GBF1: variants seen among roughly 807,000 people sequenced by gnomAD.
GBF1 encodes Golgi-specific brefeldin A-resistance guanine nucleotide exchange factor 1.
A neutral mutation model predicts 210.5 loss-of-function variants in GBF1; 114 were observed. The ratio of observed to expected loss-of-function variants is 0.54; its 90% CI spans 0.47 to 0.63. The LOEUF (loss-of-function observed/expected upper bound fraction) is 0.63, where lower values mean the gene tolerates loss of function less well. Among genes scored for constraint, GBF1 ranks in the 30% least tolerant of loss-of-function variants. GBF1 has a pLI of 0.00. For synonymous variants in GBF1, 850 were observed against 889.2 expected (o/e 0.96, Z 0.78); for missense variants, 1,851 against 2,357.7 (o/e 0.79, Z 4.45).
At chr10:102,260,473 C>CTCTTTT (rs2073056936) in intron 3 of GBF1, among the ~76,000 whole-genome samples, 2 of 74,794 alleles carry the variant, frequency 2.7e-5, no homozygotes, top group African/African-American at 1.4e-4. Context: ...ATTTTCCTTT[C>CTCTTTT]TTCTTTTTTT....
rs753772841 is a variant in GBF1 at position 102,368,722 on chromosome 10, G to T, written c.2880-17G>T. 4 of 1,581,306 alleles carry T rather than the reference G, an allele frequency of 2.5e-6. No individual in the cohort carries two copies. Among genetic ancestry groups the T allele is most frequent in the South Asian group, 1.1e-5 (1 of 90,260 alleles). On this transcript the variant is annotated splice_polypyrimidine_tract_variant and intron_variant, in intron 22 of 39. Coordinates refer to ENST00000369983, the MANE Select transcript of GBF1 (RefSeq NM_001377137.1). ...CTTCCAGTGACTCTGTTTCTGGGAT[G>T]GGGGGTAACATTACAGGAAGTGCGC...
chr10:102,370,528 A>AGG, intron 28 of GBF1, 50 bp downstream of exon 28: 1 of 1,462,516 alleles, frequency 6.8e-7, no homozygotes, highest in South Asian at 1.1e-5. Context: ...CTTGTGCCAA[A>AGG]GGGATGGAAG....
At position 102,322,631 on chromosome 10, in the gene GBF1, T is replaced by A. The variant is rs541263156; in HGVS notation, c.164-21420T>A. Among the ~76,000 whole-genome samples the A allele has an allele frequency of 1.3e-4, 19 of 149,464 alleles. No homozygotes were observed. The South Asian group carries it at 4.0e-3, about 31-fold the overall frequency. On this transcript the variant is annotated intron_variant, in intron 3 of 39. Coordinates refer to ENST00000369983, the MANE Select transcript of GBF1 (RefSeq NM_001377137.1). ...ATGTGGTGTCTCATGCCTGTAATTC[T>A]AGCACTTTGGGAGGCCGAGGCAGGA...
chr10:102,239,857 GC>G, the GBF1 span, among the ~76,000 whole-genome samples: 6 of 152,180 alleles, frequency 3.9e-5, no homozygotes, highest in African/African-American at 1.4e-4. Flanking sequence ...CTGTATCCCA[GC>G]TGCAGGGAAA....
chr10:102,337,145 G>A (rs552455601), intron 3 of GBF1, among the ~76,000 whole-genome samples: 7 of 151,996 alleles, frequency 4.6e-5, no homozygotes, highest in South Asian at 4.2e-4. Flanking sequence ...TTGGGAGGCC[G>A]AGGTGGGCGG....
chr10:102,310,302 T>C (rs1371848982), intron 3 of GBF1, among the ~76,000 whole-genome samples: 1 of 152,244 alleles, frequency 6.6e-6, no homozygotes, highest in Non-Finnish European at 1.5e-5. Context: ...CTTCCTAAGA[T>C]GAAATTGAAG....
chr10:102,351,329 C>A lies in GBF1; in HGVS notation c.369C>A (p.Gly123=). Residue 123 remains glycine, a synonymous_variant, in exon 5 of 40, where the codon GGC becomes GGA. Coordinates refer to ENST00000369983, the MANE Select transcript of GBF1 (RefSeq NM_001377137.1). The part of the protein sequence containing the change: ...ADAVTHARFV[G]TDPASDEVVL... ...CTGTCACCCATGCTCGTTTTGTGGG[C>A]ACGGATCCTGCCAGTGATGAAGTTG... 6.2e-7 allele frequency: 1 copy of A among 1,610,358 alleles called. No individual in the cohort carries two copies. Among genetic ancestry groups the A allele is most frequent in the Non-Finnish European group, 8.5e-7 (1 of 1,176,558 alleles).
chr10:102,360,674 A>T (rs1409134406), intron 12 of GBF1, among the ~76,000 whole-genome samples: 7 of 152,162 alleles, frequency 4.6e-5, no homozygotes, highest in African/African-American at 7.2e-5. Context: ...AGCCATAGTC[A>T]GCTTCAGAAA....
chr10:102,368,701 C>T (rs1182268440), intron 22 of GBF1, 38 bp from the exon 23 acceptor site: 1 of 1,457,036 alleles, frequency 6.9e-7, no homozygotes, highest in Non-Finnish European at 9.6e-7. Context: ...CTTGGCCTTC[C>T]AGTGACTCTG....
At chr10:102,330,982 G>A (rs2057292082) in intron 3 of GBF1, among the ~76,000 whole-genome samples, 4 of 152,030 alleles carry the variant, frequency 2.6e-5, no homozygotes, top group Admixed American at 2.6e-4. Context: ...TCTGACCTGA[G>A]GCAGACCAGG....
intron 3 of GBF1, among the ~76,000 whole-genome samples, chr10:102,343,766 T>C (rs970912907): frequency 6.9e-5 from 10 of 144,484 alleles, no homozygotes; most frequent in Non-Finnish European, 1.5e-4. Context: ...GCTGAGATCA[T>C]GCCACTGCAC....
intron 3 of GBF1, among the ~76,000 whole-genome samples, chr10:102,310,750 A>G (rs2078342510): frequency 1.3e-5 from 2 of 152,334 alleles, no homozygotes; most frequent in South Asian, 4.1e-4. Context: ...GGCAGCGGCA[A>G]AGAGGCCATG....
intron 3 of GBF1, among the ~76,000 whole-genome samples, chr10:102,272,349 C>T (rs2074525099): frequency 6.6e-6 from 1 of 152,176 alleles, no homozygotes; most frequent in Non-Finnish European, 1.5e-5. Flanking sequence ...AGGTGATCTG[C>T]CCACCTTGGC....
chr10:102,377,402 G>A (rs2060572304), intron 33 of GBF1, among the ~76,000 whole-genome samples: 1 of 151,922 alleles, frequency 6.6e-6, no homozygotes, highest in African/African-American at 2.4e-5. Context: ...CACCCAGGCT[G>A]GAGTGCAGTG....
chr10:102,237,271 C>T, the GBF1 span, among the ~76,000 whole-genome samples: 1 of 151,952 alleles, frequency 6.6e-6, no homozygotes, highest in Non-Finnish European at 1.5e-5. Context: ...AAGGTGGTAC[C>T]GAGTGTTGGG....
chr10:102,329,406 G>C (rs1419773331), intron 3 of GBF1, among the ~76,000 whole-genome samples: 1 of 152,178 alleles, frequency 6.6e-6, no homozygotes, highest in Non-Finnish European at 1.5e-5. Context: ...TCACTGGTTA[G>C]GAGAAGGAGA....
chr10:102,312,797 G>T (rs1003558176), intron 3 of GBF1, among the ~76,000 whole-genome samples: 2 of 152,182 alleles, frequency 1.3e-5, no homozygotes, highest in African/African-American at 4.8e-5. Flanking sequence ...GGAAGAAACA[G>T]ATCTTCCAGT....
In GBF1 at chr10:102,301,415, A is replaced by G. The variant is rs536689260; in HGVS notation, c.163+41299A>G. The stretch of plus-strand genomic sequence containing the variant: ...GACACAGCAACAATCTGATTTCTCT[A>G]TCTTTTCCCCACATTTCCCCCTTTT... On this transcript the variant is annotated intron_variant, in intron 3 of 39. Transcript: ENST00000369983. 1.1e-3 allele frequency among the ~76,000 whole-genome samples: 175 copies of G among 152,312 alleles called. 2 individuals carry two copies. The South Asian group carries it at 0.035, about 30-fold the overall frequency.
chr10:102,233,656 C>T, the GBF1 span, among the ~76,000 whole-genome samples: 1 of 152,118 alleles, frequency 6.6e-6, no homozygotes, highest in Non-Finnish European at 1.5e-5. Context: ...GTAACAAGAT[C>T]AAACACAAGT....
Sources: allele counts gnomAD v4.1 joint callset (sites outside exome capture counted in the v4.1 genomes callset), GRCh38; gene constraint gnomAD v4.1.1; transcripts MANE v1.5; gene names NCBI Gene and HGNC (gene_info 2026-07-23, HGNC 2026-07-21).